OTUD4: variants seen among roughly 807,000 people sequenced by gnomAD.
The protein encoded by OTUD4 is OTU domain-containing protein 4.
OTUD4 carries 24 observed loss-of-function variants against 130.4 expected under a neutral mutation model. The ratio of observed to expected loss-of-function variants is 0.18; its 90% CI spans 0.13 to 0.26. The LOEUF is 0.26. Ranked by LOEUF, OTUD4 falls within the 10% of genes least tolerant of loss-of-function variation. The pLI is 1.00. For missense variants in OTUD4, 1,031 were observed against 1,329.4 expected (o/e 0.78, Z 3.49); for synonymous variants, 420 against 472.5 (o/e 0.89, Z 1.44).
intron 2 of OTUD4, among the ~76,000 whole-genome samples, chr4:145,174,268 G>C (rs941730171): frequency 6.6e-6 from 1 of 152,110 alleles, no homozygotes; most frequent in Non-Finnish European, 1.5e-5. Context: ...ACCATGCCCA[G>C]ACTGAATTTT....
chr4:145,169,641 C>T (rs1035742535), intron 3 of OTUD4, among the ~76,000 whole-genome samples: 8 of 152,180 alleles, frequency 5.3e-5, no homozygotes, highest in Admixed American at 4.6e-4. Context: ...CACACCACCA[C>T]GCCTGGCTAA....
In OTUD4 at chr4:145,133,688, T is replaced by C. The variant is rs1217925370; in HGVS notation, c.*3742A>G. On this transcript the variant is annotated 3_prime_UTR_variant, in exon 21 of 21. Coordinates refer to ENST00000447906, the MANE Select transcript of OTUD4 (RefSeq NM_001366057.1). ...TTTAATATATGCACACAGTTTTATA[T>C]ATAATGCAGCATCACACCATGTAGG... 1 of 152,636 alleles carries C rather than the reference T, an allele frequency of 6.6e-6. No homozygotes were observed. Among genetic ancestry groups the C allele is most frequent in the African/African-American group, 2.4e-5 (1 of 41,450 alleles). 9.5% of individuals were successfully genotyped at this position (152,636 alleles called of 1,614,324 possible). A position where few individuals can be genotyped will look rare whatever the true frequency, so the allele number is the denominator to read the frequency against.
At chr4:145,173,917 T>C (rs1041215747) in intron 2 of OTUD4, among the ~76,000 whole-genome samples, 2 of 152,196 alleles carry the variant, frequency 1.3e-5, no homozygotes, top group African/African-American at 4.8e-5. Flanking sequence ...CACTGAACCC[T>C]GAAAATTAAA....
intron 1 of OTUD4, among the ~76,000 whole-genome samples, chr4:145,178,334 C>T (rs1752525631): frequency 6.6e-6 from 1 of 152,206 alleles, no homozygotes; most frequent in African/African-American, 2.4e-5. Flanking sequence ...CCAAGCTTCC[C>T]TTACCGCCAT....
intron 14 of OTUD4, among the ~76,000 whole-genome samples, chr4:145,144,818 G>A (rs1750743522): frequency 6.6e-6 from 1 of 152,144 alleles, no homozygotes; most frequent in South Asian, 2.1e-4. Context: ...GGGAGTTGGG[G>A]AGAACCTAAG....
intron 9 of OTUD4, 25 bp downstream of exon 9, chr4:145,155,544 T>C: frequency 3.8e-6 from 6 of 1,599,874 alleles, no homozygotes; most frequent in Non-Finnish European, 5.1e-6. Context: ...AGCAAATTTA[T>C]GGAAAATGCA....
intron 7 of OTUD4, among the ~76,000 whole-genome samples, chr4:145,157,684 CAAAAAAAAA>C (rs923938636): frequency 2.0e-4 from 9 of 44,090 alleles, no homozygotes; most frequent in Admixed American, 1.4e-3. Context: ...AACTCCGTCT[CAAAAAAAAA>C]AAAAAAAAAA....
rs1005046943 is a variant in OTUD4 at position 145,155,280 on chromosome 4, T to C, written c.873+131A>G. 1.2e-5 allele frequency: 9 copies of C among 720,622 alleles called. No homozygotes were observed. In the African/African-American group the frequency reaches 1.4e-4, roughly 12 times the overall value. The allele number at this position is 720,622 out of a possible 1,614,324, so 44.6% of individuals were successfully genotyped here. On this transcript the variant is annotated intron_variant, in intron 10 of 20. Coordinates refer to ENST00000447906, the MANE Select transcript of OTUD4 (RefSeq NM_001366057.1). Reference sequence around the variant, plus strand: ...TAAATACTTGTAAACTATTAAAATGTATATACATGATAAATATATTCTGAA... The same window carrying C: ...TAAATACTTGTAAACTATTAAAATGCATATACATGATAAATATATTCTGAA...
chr4:145,166,214 G>C (rs1241067074), intron 3 of OTUD4, among the ~76,000 whole-genome samples: 2 of 151,736 alleles, frequency 1.3e-5, no homozygotes, highest in Non-Finnish European at 2.9e-5. Context: ...AAATTGGGAA[G>C]TATAGAAAAG....
At chr4:145,165,269 T>C in intron 3 of OTUD4, 72 bp from the exon 4 acceptor site, 1 of 889,496 alleles carries the variant, frequency 1.1e-6, no homozygotes, top group East Asian at 2.4e-5. Context: ...TTTCTATACA[T>C]ACCTTCATAC....
intron 14 of OTUD4, among the ~76,000 whole-genome samples, chr4:145,145,454 A>T (rs1553997931): frequency 6.6e-6 from 1 of 152,188 alleles, no homozygotes; most frequent in Non-Finnish European, 1.5e-5. Context: ...AAGTCCACAG[A>T]GACCAGAAGA....
At chr4:145,145,068 G>A (rs1164999929) in intron 14 of OTUD4, among the ~76,000 whole-genome samples, 1 of 152,084 alleles carries the variant, frequency 6.6e-6, no homozygotes, top group Non-Finnish European at 1.5e-5. Context: ...ACTATCAAAA[G>A]CAATCAGTAT....
At chr4:145,158,540 A>G (rs963597540) in intron 7 of OTUD4, among the ~76,000 whole-genome samples, 2 of 152,072 alleles carry the variant, frequency 1.3e-5, no homozygotes, top group African/African-American at 2.4e-5. Flanking sequence ...AGAGATATAC[A>G]TATATTTTTA....
At position 145,134,645 on chromosome 4, in the gene OTUD4, A is replaced by AG. The variant is rs1216953196; in HGVS notation, c.*2784dup. 1 of 398,612 alleles carries AG rather than the reference A, an allele frequency of 2.5e-6. No homozygotes were observed. Among genetic ancestry groups the AG allele is most frequent in the Non-Finnish European group, 4.4e-6 (1 of 225,944 alleles). The allele number at this position is 398,612 out of a possible 1,614,324, so 24.7% of individuals were successfully genotyped here. Reference sequence around the variant, plus strand: ...CCAGGACAAGGCAGGGTCTGAGCTTAGGTCTGCCATGAAAATGAATTTGTG... The same window carrying AG: ...CCAGGACAAGGCAGGGTCTGAGCTTAGGGTCTGCCATGAAAATGAATTTGTG... On this transcript the variant is annotated 3_prime_UTR_variant, in exon 21 of 21. Coordinates refer to ENST00000447906, the MANE Select transcript of OTUD4 (RefSeq NM_001366057.1).
rs1003258280 is a variant in OTUD4, at chr4:145,137,287, T to A, written c.*143A>T. 1.5e-6 allele frequency: 1 copy of A among 652,020 alleles called. No individual in the cohort carries two copies. The highest frequency in any genetic ancestry group is 2.7e-5 in the Admixed American group (1 of 36,552). The allele number at this position is 652,020 out of a possible 1,614,324, so 40.4% of individuals were successfully genotyped here. A position where few individuals can be genotyped will look rare whatever the true frequency, so the allele number is the denominator to read the frequency against. ...CCTTGAACTCATGTCCAAAATGTCT[T>A]GTCCAGTATGGGAGTGAAGGTAAGG... On this transcript the variant is annotated 3_prime_UTR_variant, in exon 21 of 21. Transcript: ENST00000447906.
In OTUD4 at chr4:145,143,995, A is replaced by G. The variant is rs1465658907; in HGVS notation, c.1553T>C (p.Ile518Thr). 6.2e-7 allele frequency: 1 copy of G among 1,611,528 alleles called. No homozygotes were observed. Among genetic ancestry groups the G allele is most frequent in the East Asian group, 2.2e-5 (1 of 44,808 alleles). The change falls in exon 16 of 21, where the codon ATT becomes ACT. Residue 518 changes from isoleucine to threonine, a missense_variant. Physicochemically the swap from Ile to Thr is moderately conservative, Grantham distance 89 (BLOSUM62 -1). Coordinates refer to ENST00000447906, the MANE Select transcript of OTUD4 (RefSeq NM_001366057.1). ...DTEERKDKDS[I>T]HGHSQLDKRP... is the part of the protein sequence containing the mutation. The stretch of plus-strand genomic sequence containing the variant: ...TTTATCCAACTGACTATGTCCATGA[A>G]TAGAGTCTATAGCAGATCAAGATTA...
chr4:145,178,314 C>T lies in OTUD4; in HGVS notation c.159+1501G>A, dbSNP rs151287360. On this transcript the variant is annotated intron_variant, in intron 1 of 20. Coordinates refer to ENST00000447906, the MANE Select transcript of OTUD4 (RefSeq NM_001366057.1). ...ACTAGGACTCAAGATAACTCAAATC[C>T]AAGTAAGCGCCAAGCTTCCCTTACC... Among the ~76,000 whole-genome samples the T allele has an allele frequency of 4.0e-3, 614 of 152,272 alleles. 8 individuals carry two copies. Among genetic ancestry groups the T allele is most frequent in the African/African-American group, 0.014 (568 of 41,534 alleles).
rs1750276737 is a variant in OTUD4 at position 145,136,494 on chromosome 4, A to G, written c.*936T>C. ...GGGGGGGGAGGAAGAAAACAACTCT[A>G]GAAACCTGTCAAGCTAAAAATTTTT... On this transcript the variant is annotated 3_prime_UTR_variant, in exon 21 of 21. Transcript: ENST00000447906. The G allele has an allele frequency of 7.5e-6, 1 of 133,468 alleles. No individual in the cohort carries two copies. Among genetic ancestry groups the G allele is most frequent in the Non-Finnish European group, 1.6e-5 (1 of 62,562 alleles). The allele number at this position is 133,468 out of a possible 1,614,324, so 8.3% of individuals were successfully genotyped here.
intron 7 of OTUD4, 78 bp from the exon 8 acceptor site, chr4:145,156,074 T>C: frequency 8.8e-7 from 1 of 1,140,084 alleles, no homozygotes; most frequent in Non-Finnish European, 1.3e-6. Context: ...TCTAAACGTC[T>C]TCAAAGTCAG....
Sources: gnomAD v4.1 joint callset for allele counts (sites outside exome capture counted in the v4.1 genomes callset) on GRCh38, gnomAD v4.1.1 for gene constraint, MANE v1.5 for transcripts, NCBI Gene and HGNC (gene_info 2026-07-23, HGNC 2026-07-21) for gene names.